Variants in BCL9L observed in about 807,000 individuals in gnomAD.
BCL9L encodes the protein B-cell CLL/lymphoma 9-like protein.
Under a neutral mutation model 99.4 loss-of-function variants are expected in BCL9L, and 19 were observed. The observed-to-expected ratio is 0.19, with a 90% confidence interval of 0.13 to 0.28. The LOEUF is 0.28. Ranked by LOEUF, BCL9L falls within the 10% of genes least tolerant of loss-of-function variation. BCL9L has a pLI of 1.00. For synonymous variants in BCL9L, 900 were observed against 854.8 expected (o/e 1.05, Z -0.92); for missense variants, 2,023 against 2,101.6 (o/e 0.96, Z 0.73).
At position 118,898,304 on chromosome 11, in the gene BCL9L, A is replaced by ACCCCCCCCCCCCCCCCCCCCCCCCC; in HGVS notation, c.*110_*111insGGGGGGGGGGGGGGGGGGGGGGGGG. 2.6e-5 allele frequency: 5 copies of ACCCCCCCCCCCCCCCCCCCCCCCCC among 193,448 alleles called. No homozygotes were observed. Among genetic ancestry groups the ACCCCCCCCCCCCCCCCCCCCCCCCC allele is most frequent in the East Asian group, 3.4e-4 (2 of 5,918 alleles). 12.0% of individuals were successfully genotyped at this position (193,448 alleles called of 1,614,324 possible). ...CCACTCCCTACACAAGCCCCCTCCCACCCCCTCCACCCCACCCCGCGACCC... is the reference window on the plus strand; with the variant it reads ...CCACTCCCTACACAAGCCCCCTCCCACCCCCCCCCCCCCCCCCCCCCCCCCCCCCCTCCACCCCACCCCGCGACCC... On this transcript the variant is annotated 3_prime_UTR_variant, in exon 10 of 10. Coordinates refer to ENST00000683865, the MANE Select transcript of BCL9L (RefSeq NM_001378213.1).
chr11:118,908,770 G>A (rs946224592), intron 3 of BCL9L, 115 bp from the exon 4 acceptor site: 2 of 827,668 alleles, frequency 2.4e-6, no homozygotes, highest in South Asian at 1.7e-5. Flanking sequence ...GGGGGAAGGG[G>A]TGGTATCTCA....
rs199913120 is a variant in BCL9L, at chr11:118,900,214, G to A, written c.3125-16C>T. The A allele has an allele frequency of 7.0e-6, 11 of 1,575,904 alleles. No homozygotes were observed. In the Admixed American group the frequency reaches 1.0e-4, roughly 15 times the overall value. On this transcript the variant is annotated splice_polypyrimidine_tract_variant and intron_variant, in intron 8 of 9. Coordinates refer to ENST00000683865, the MANE Select transcript of BCL9L (RefSeq NM_001378213.1). The surrounding 1 kb of genome is among the most constrained non-coding windows in gnomAD (Gnocchi z 5.3). The stretch of plus-strand genomic sequence containing the variant: ...GGGAGGGTACCTACAGAAACGGGGA[G>A]ACAAAGAGAGCAGGGGTGACTGGGG...
chr11:118,901,531 T>C lies in BCL9L; in HGVS notation c.2212A>G (p.Met738Val), dbSNP rs751847024. The C allele has an allele frequency of 3.7e-6, 6 of 1,613,978 alleles. No individual in the cohort carries two copies. The highest frequency in any genetic ancestry group is 1.3e-5 in the African/African-American group (1 of 74,924). ...AGGEGLAGTPMGMEFGGGRGL... is the reference protein window; with the variant it reads ...AGGEGLAGTPVGMEFGGGRGL... ...CGGCCTCCACCAAACTCCATGCCCA[T>C]GGGAGTGCCCGCCAGGCCCTCACCA... The change falls in exon 8 of 10, where the codon ATG (methionine) becomes GTG (valine). Residue 738 changes from methionine to valine, a missense_variant. Coordinates refer to ENST00000683865, the MANE Select transcript of BCL9L (RefSeq NM_001378213.1). This position sits in a 1 kb window ranked among gnomAD's most constrained non-coding sequence, Gnocchi z 6.6.
At position 118,914,096 on chromosome 11, in the gene BCL9L, C is replaced by A. The variant is rs1402127014; in HGVS notation, c.-76-4081G>T. Among the ~76,000 whole-genome samples, 1 of 152,114 alleles carries A rather than the reference C, an allele frequency of 6.6e-6. No homozygotes were observed. The highest frequency in any genetic ancestry group is 2.4e-5 in the African/African-American group (1 of 41,400). On this transcript the variant is annotated intron_variant, in intron 2 of 9. Transcript: ENST00000683865. This position sits in a 1 kb window ranked among gnomAD's most constrained non-coding sequence, Gnocchi z 4.4. ...GCCACTCTCTACCCTATGGAGACTC[C>A]CATCTCAGGAGGTGGTGTGGTGCTG... is the stretch of plus-strand genomic sequence containing the variant.
In BCL9L at chr11:118,907,621, G is replaced by C; in HGVS notation, c.413-19C>G. The C allele has an allele frequency of 6.2e-7, 1 of 1,609,148 alleles. No individual in the cohort carries two copies. The highest frequency in any genetic ancestry group is 1.1e-5 in the South Asian group (1 of 91,086). On this transcript the variant is annotated intron_variant, in intron 4 of 9. Coordinates refer to ENST00000683865, the MANE Select transcript of BCL9L (RefSeq NM_001378213.1). ...GCCACCTCTGCCCAGGCAGGACGGA[G>C]GAAAGAGTGAGTGCCTAGAGGCCCC...
chr11:118,913,452 G>GCTCCTA (rs1195543522), intron 2 of BCL9L, among the ~76,000 whole-genome samples: 1 of 152,144 alleles, frequency 6.6e-6, no homozygotes, highest in East Asian at 1.9e-4. Flanking sequence ...ACTTCTCTTG[G>GCTCCTA]CTCCTACAGT....
At chr11:118,908,027 G>A (rs1191959242) in intron 4 of BCL9L, among the ~76,000 whole-genome samples, 3 of 152,186 alleles carry the variant, frequency 2.0e-5, no homozygotes, top group Non-Finnish European at 2.9e-5. Flanking sequence ...TGGTGGGAAA[G>A]CAGGAGGGGA....
intron 2 of BCL9L, among the ~76,000 whole-genome samples, chr11:118,917,125 G>A (rs1228183960): frequency 6.6e-6 from 1 of 152,168 alleles, no homozygotes; most frequent in Non-Finnish European, 1.5e-5. Context: ...CCAACGATGG[G>A]GAAGCGGCGG....
In BCL9L at chr11:118,902,480, C is replaced by G. The variant is rs768018270; in HGVS notation, c.1263G>C (p.Leu421=). 2.5e-6 allele frequency: 4 copies of G among 1,609,320 alleles called. No individual in the cohort carries two copies. The highest frequency in any genetic ancestry group is 3.4e-6 in the Non-Finnish European group (4 of 1,179,170). The change falls in exon 8 of 10, where the codon CTG becomes CTC. Residue 421 remains leucine (L), a synonymous_variant. Coordinates refer to ENST00000683865, the MANE Select transcript of BCL9L (RefSeq NM_001378213.1). This position sits in a 1 kb window ranked among gnomAD's most constrained non-coding sequence, Gnocchi z 7.8. ...AGGGCTCAGTCTCTCCGCTGCGGAG[C>G]AGCAGTCGCTCAATGTCTCGCAGCG... ...LQTLRDIERL[L]LRSGETEPFL... is the part of the protein sequence containing the mutation.
chr11:118,911,749 G>T (rs1472774187), intron 2 of BCL9L, among the ~76,000 whole-genome samples: 2 of 152,222 alleles, frequency 1.3e-5, no homozygotes, highest in Admixed American at 1.3e-4. Context: ...TCCAGACACT[G>T]CAGTGACCCC....
chr11:118,902,267 G>T lies in BCL9L; in HGVS notation c.1476C>A (p.Pro492=), dbSNP rs748319802. ...PPLEHEVPGH[P]PGGDMGQQMN... ...TCTGCTGCCCCATGTCCCCACCCGGGGGGTGCCCAGGCACTTCATGCTCCA... is the reference window on the plus strand; with the variant it reads ...TCTGCTGCCCCATGTCCCCACCCGGTGGGTGCCCAGGCACTTCATGCTCCA... Residue 492 remains proline (P), a synonymous_variant, in exon 8 of 10, where the codon CCC becomes CCA. Coordinates refer to ENST00000683865, the MANE Select transcript of BCL9L (RefSeq NM_001378213.1). The surrounding 1 kb of genome is among the most constrained non-coding windows in gnomAD (Gnocchi z 7.8). The T allele has an allele frequency of 7.5e-6, 12 of 1,596,890 alleles. No individual in the cohort carries two copies. In the South Asian group the frequency reaches 1.1e-4, roughly 15 times the overall value.
intron 5 of BCL9L, among the ~76,000 whole-genome samples, chr11:118,904,008 C>A (rs1346597697): frequency 6.6e-6 from 1 of 152,140 alleles, no homozygotes; most frequent in Non-Finnish European, 1.5e-5. Context: ...ATTTTATGAA[C>A]CAGACATCCC....
intron 2 of BCL9L, among the ~76,000 whole-genome samples, chr11:118,917,424 A>G (rs1325522816): frequency 6.6e-6 from 1 of 152,180 alleles, no homozygotes; most frequent in East Asian, 1.9e-4. Flanking sequence ...TATTATCCTC[A>G]CTTTCCCACT....
rs12417867 is a variant in BCL9L, at chr11:118,898,373, G to C, written c.*42C>G. 1 of 1,528,394 alleles carries C rather than the reference G, an allele frequency of 6.5e-7. No homozygotes were observed. Among genetic ancestry groups the C allele is most frequent in the Non-Finnish European group, 8.9e-7 (1 of 1,129,050 alleles). The allele number at this position is 1,528,394 out of a possible 1,614,324, so 94.7% of individuals were successfully genotyped here. ...GGGGAAGAACTTTGTTAAGGTTATCGTATTTGCAACATTGCCCCGGCTCCA... is the reference window on the plus strand; with the variant it reads ...GGGGAAGAACTTTGTTAAGGTTATCCTATTTGCAACATTGCCCCGGCTCCA... On this transcript the variant is annotated 3_prime_UTR_variant, in exon 10 of 10. Coordinates refer to ENST00000683865, the MANE Select transcript of BCL9L (RefSeq NM_001378213.1).
In BCL9L at chr11:118,903,655, C is replaced by T. The variant is rs1227277166; in HGVS notation, c.533-203G>A. Among the ~76,000 whole-genome samples the T allele has an allele frequency of 6.6e-6, 1 of 152,186 alleles. No homozygotes were observed. Among genetic ancestry groups the T allele is most frequent in the African/African-American group, 2.4e-5 (1 of 41,430 alleles). ...GAGAGCAGGGACAGAGAAAATGTGT[C>T]CTCTCCACAGGCTCCCATGGGCCTG... is the stretch of plus-strand genomic sequence containing the variant. On this transcript the variant is annotated intron_variant, in intron 5 of 9. Coordinates refer to ENST00000683865, the MANE Select transcript of BCL9L (RefSeq NM_001378213.1). The surrounding 1 kb of genome is among the most constrained non-coding windows in gnomAD (Gnocchi z 5.6).
chr11:118,917,593 A>G (rs761205076), intron 2 of BCL9L, among the ~76,000 whole-genome samples: 1 of 152,214 alleles, frequency 6.6e-6, no homozygotes, highest in African/African-American at 2.4e-5. Flanking sequence ...ATGACGAAAG[A>G]AAGCATGGGT....
chr11:118,909,862 C>T lies in BCL9L; in HGVS notation c.26+52G>A, dbSNP rs1007892656. On this transcript the variant is annotated intron_variant, in intron 3 of 9. Coordinates refer to ENST00000683865, the MANE Select transcript of BCL9L (RefSeq NM_001378213.1). ...TGGGCCCCATCACCACTGGGCCCTT[C>T]CCTTCCCGCACTCCACACACACACA... 9.3e-6 allele frequency: 15 copies of T among 1,613,342 alleles called. No homozygotes were observed. In the African/African-American group the frequency reaches 1.2e-4, roughly 13 times the overall value.
rs528621552 is a variant in BCL9L, at chr11:118,902,862, G to A, written c.881C>T (p.Pro294Leu). The change falls in exon 8 of 10, where the codon CCG becomes CTG. Residue 294 changes from proline (P) to leucine (L), a missense_variant. Around this residue, in one of 3 missense-constraint regions of BCL9L, gnomAD observed 1,116 missense variants for 1,194.6 expected, o/e 0.93. Transcript: ENST00000683865. This position sits in a 1 kb window ranked among gnomAD's most constrained non-coding sequence, Gnocchi z 7.8. The part of the protein sequence containing the change: ...PTPEPLPLST[P>L]SAGTPQSQPP... ...CTGGGACTGCGGGGTGCCTGCTGAC[G>A]GCGTGCTCAGGGGTAGCGGTTCTGG... 1.5e-5 allele frequency: 23 copies of A among 1,552,636 alleles called. No homozygotes were observed. The highest frequency in any genetic ancestry group is 2.3e-5 in the East Asian group (1 of 44,402).
At position 118,902,429 on chromosome 11, in the gene BCL9L, C is replaced by T. The variant is rs372114071; in HGVS notation, c.1314G>A (p.Ala438=). 130 of 1,589,646 alleles carry T rather than the reference C, an allele frequency of 8.2e-5. No homozygotes were observed. In the African/African-American group the frequency reaches 1.4e-3, roughly 17 times the overall value. Residue 438 remains alanine (A), a synonymous_variant, in exon 8 of 10, where the codon GCG becomes GCA. Coordinates refer to ENST00000683865, the MANE Select transcript of BCL9L (RefSeq NM_001378213.1). The surrounding 1 kb of genome is among the most constrained non-coding windows in gnomAD (Gnocchi z 7.8). ...CTTGTGCTGGTGGGCCCCCCTCACCCGCTCCTCCTGGGGGCCCCTTGAGGA... is the reference window on the plus strand; with the variant it reads ...CTTGTGCTGGTGGGCCCCCCTCACCTGCTCCTCCTGGGGGCCCCTTGAGGA... The part of the protein sequence containing the change: ...EPFLKGPPGG[A]GEGGPPAQAP...
Sources: allele counts gnomAD v4.1 joint callset (sites outside exome capture counted in the v4.1 genomes callset), GRCh38; gene constraint gnomAD v4.1.1; regional missense constraint gnomAD v4.1.1; non-coding constraint Gnocchi (gnomAD v3.1); transcripts MANE v1.5; gene names NCBI Gene and HGNC (gene_info 2026-07-23, HGNC 2026-07-21).